WFDC10B: variants seen among roughly 807,000 people sequenced by gnomAD.
WFDC10B encodes protein WFDC10B.
In WFDC10B, 1 loss-of-function variant was observed where a neutral mutation model predicts 2.7. The observed-to-expected ratio is 0.38, with a 90% CI of 0.13 to 1.79. WFDC10B has a LOEUF of 1.79. Among genes scored for constraint, WFDC10B ranks in the 40% most tolerant of loss-of-function variants. The pLI, the probability that WFDC10B is intolerant of heterozygous loss-of-function variation, is 0.33. For missense variants in WFDC10B, 71 were observed against 87.8 expected (o/e 0.81, Z 0.76); for synonymous variants, 26 against 32.2 (o/e 0.81, Z 0.65).
At chr20:45,700,555 T>TTAA in intron 2 of WFDC10B, among the ~76,000 whole-genome samples, 1 of 152,356 alleles carries the variant, frequency 6.6e-6, no homozygotes, top group East Asian at 1.9e-4. Context: ...GAATGTTCAC[T>TTAA]GCATTAACAG....
At chr20:45,687,842 G>C (rs1268053238) in intron 2 of WFDC10B, among the ~76,000 whole-genome samples, 3 of 146,076 alleles carry the variant, frequency 2.1e-5, no homozygotes, top group Non-Finnish European at 4.5e-5. Context: ...CTTTTTAATG[G>C]GATTGCTTGT....
chr20:45,692,876 T>G (rs1239833333), intron 2 of WFDC10B, among the ~76,000 whole-genome samples: 1 of 152,240 alleles, frequency 6.6e-6, no homozygotes, highest in Non-Finnish European at 1.5e-5. Flanking sequence ...GGTGAGGAAC[T>G]GTGTTCCTTT....
chr20:45,684,997 CA>C, intron 3 of WFDC10B, 37 bp from the exon 4 acceptor site: 1 of 1,612,014 alleles, frequency 6.2e-7, no homozygotes, highest in Non-Finnish European at 8.5e-7. Context: ...TGAAACCATG[CA>C]CCTATAGAGC....
At position 45,704,847 on chromosome 20, in the gene WFDC10B, C is replaced by T. The variant is rs951315621; in HGVS notation, c.-130+71G>A. On this transcript the variant is annotated intron_variant, in intron 1 of 3. Transcript: ENST00000330523. ...ATTTCTGACTCTGCCTCTCTGAACACACCCACAAATGCCTTTATCCACAGA... is the reference window on the plus strand; with the variant it reads ...ATTTCTGACTCTGCCTCTCTGAACATACCCACAAATGCCTTTATCCACAGA... 14 of 1,510,074 alleles carry T rather than the reference C, an allele frequency of 9.3e-6. 1 individual carries two copies. The highest frequency in any genetic ancestry group is 1.8e-4 in the Middle Eastern group (1 of 5,536). The allele number at this position is 1,510,074 out of a possible 1,614,324, so 93.5% of individuals were successfully genotyped here.
intron 2 of WFDC10B, among the ~76,000 whole-genome samples, chr20:45,694,360 AG>A (rs141908093): frequency 0.022 from 3,412 of 152,330 alleles, 137 homozygotes; most frequent in African/African-American, 0.079. Context: ...GGCAAATAGT[AG>A]CAAAAAGAGC....
chr20:45,700,010 T>C (rs1251180125), intron 2 of WFDC10B, among the ~76,000 whole-genome samples: 1 of 152,182 alleles, frequency 6.6e-6, no homozygotes, highest in Non-Finnish European at 1.5e-5. Context: ...GATCACACTT[T>C]TAGAAATTTA....
At chr20:45,686,092 T>G in intron 2 of WFDC10B, 36 bp from the exon 3 acceptor site, 1 of 1,519,428 alleles carries the variant, frequency 6.6e-7, no homozygotes. Flanking sequence ...AGGAATGATC[T>G]TCAGCTCCTC....
rs201340238 is a variant in WFDC10B, at chr20:45,704,948, A to C, written c.-160T>G. ...GGTGTAACCAAAATCCCAAAGCAAA[A>C]TTTGTCCTACACTTTTGCTTGCCCT... On this transcript the variant is annotated 5_prime_UTR_variant, in exon 1 of 4. Coordinates refer to ENST00000330523, the MANE Select transcript of WFDC10B (RefSeq NM_172006.2). The C allele has an allele frequency of 3.1e-6, 5 of 1,613,914 alleles. No individual in the cohort carries two copies. Among genetic ancestry groups the C allele is most frequent in the Non-Finnish European group, 4.2e-6 (5 of 1,179,956 alleles).
chr20:45,695,034 T>C (rs894242843), intron 2 of WFDC10B, among the ~76,000 whole-genome samples: 3 of 152,198 alleles, frequency 2.0e-5, no homozygotes, highest in African/African-American at 4.8e-5. Context: ...TGGCTATTCA[T>C]TTGTATCCTT....
rs1042812407 is a variant in WFDC10B at position 45,684,732 on chromosome 20, T to C, written c.*98A>G. The stretch of plus-strand genomic sequence containing the variant: ...AGGGTGGCATTCCTGTTGATGTTCT[T>C]GTGCTGATGATTTGATGTCCTTGTG... On this transcript the variant is annotated 3_prime_UTR_variant, in exon 4 of 4. Transcript: ENST00000330523. 63 of 1,515,020 alleles carry C rather than the reference T, an allele frequency of 4.2e-5. No homozygotes were observed. The highest frequency in any genetic ancestry group is 5.5e-5 in the Non-Finnish European group (61 of 1,115,028). The allele number at this position is 1,515,020 out of a possible 1,614,324, so 93.8% of individuals were successfully genotyped here. A position where few individuals can be genotyped will look rare whatever the true frequency, so the allele number is the denominator to read the frequency against.
intron 2 of WFDC10B, 64 bp from the exon 3 acceptor site, chr20:45,686,120 A>C (rs1341637119): frequency 6.7e-7 from 1 of 1,482,682 alleles, no homozygotes; most frequent in African/African-American, 1.4e-5. Flanking sequence ...CCACTGGACA[A>C]GTCAGGGCAG....
chr20:45,704,376 C>A lies in WFDC10B; in HGVS notation c.-65+121G>T. ...GCAGGTTTCCTGGCAGTTCCCTGGG[C>A]TTTCTGAGTTCTGAACATTACTCCA... is the stretch of plus-strand genomic sequence containing the variant. On this transcript the variant is annotated intron_variant, in intron 2 of 3. Coordinates refer to ENST00000330523, the MANE Select transcript of WFDC10B (RefSeq NM_172006.2). 5.8e-6 allele frequency: 9 copies of A among 1,539,930 alleles called. No homozygotes were observed. The South Asian group carries it at 8.9e-5, about 15-fold the overall frequency.
chr20:45,689,512 T>C (rs1032935943), intron 2 of WFDC10B, among the ~76,000 whole-genome samples: 1 of 152,184 alleles, frequency 6.6e-6, no homozygotes, highest in Non-Finnish European at 1.5e-5. Context: ...CCTCTTTTAT[T>C]TCATTGAGCA....
chr20:45,686,997 A>G (rs1331646173), intron 2 of WFDC10B, among the ~76,000 whole-genome samples: 2 of 151,810 alleles, frequency 1.3e-5, no homozygotes, highest in East Asian at 3.9e-4. Context: ...ATTACACAAA[A>G]CTCTATATGA....
intron 2 of WFDC10B, among the ~76,000 whole-genome samples, chr20:45,691,694 A>T (rs1345831343): frequency 6.6e-6 from 1 of 152,074 alleles, no homozygotes; most frequent in Admixed American, 6.6e-5. Context: ...TGCTTGGTAG[A>T]TCTTCCTCCA....
intron 2 of WFDC10B, among the ~76,000 whole-genome samples, chr20:45,703,616 T>C (rs1245672060): frequency 1.3e-5 from 2 of 152,168 alleles, no homozygotes; most frequent in Admixed American, 1.3e-4. Context: ...ATGGGGCCCA[T>C]CTTTAGAGTC....
Position 45,686,023 on chromosome 20 carries a change from G to T in WFDC10B, c.-31C>A. ...TGACCAGAGCGTGAGCCCTAAGTCT[G>T]GCCAGGCAGTCACAGACTTCCCTGC... is the stretch of plus-strand genomic sequence containing the variant. On this transcript the variant is annotated 5_prime_UTR_variant, in exon 3 of 4. Transcript: ENST00000330523. 1 of 1,609,898 alleles carries T rather than the reference G, an allele frequency of 6.2e-7. No homozygotes were observed. The highest frequency in any genetic ancestry group is 2.2e-5 in the East Asian group (1 of 44,694).
intron 2 of WFDC10B, chr20:45,701,871 T>TAC: frequency 2.2e-6 from 1 of 446,888 alleles, no homozygotes; most frequent in Admixed American, 3.7e-5. Flanking sequence ...AAGATCTAGA[T>TAC]ACAGATGAAA....
Position 45,686,006 on chromosome 20 carries a change from G to T in WFDC10B, c.-14C>A. The T allele has an allele frequency of 6.2e-7, 1 of 1,613,308 alleles. No homozygotes were observed. The highest frequency in any genetic ancestry group is 8.5e-7 in the Non-Finnish European group (1 of 1,179,698). ...CTGGGGTGCCATAACTCTGACCAGA[G>T]CGTGAGCCCTAAGTCTGGCCAGGCA... On this transcript the variant is annotated 5_prime_UTR_variant, in exon 3 of 4. Coordinates refer to ENST00000330523, the MANE Select transcript of WFDC10B (RefSeq NM_172006.2).
Sources: allele counts gnomAD v4.1 joint callset (sites outside exome capture counted in the v4.1 genomes callset), GRCh38; gene constraint gnomAD v4.1.1; transcripts MANE v1.5; gene names NCBI Gene and HGNC (gene_info 2026-07-23, HGNC 2026-07-21).